Variants in GRIK2 observed in about 807,000 individuals in gnomAD.
GRIK2 encodes glutamate receptor ionotropic, kainate 2.
In GRIK2, 32 loss-of-function variants were observed where a neutral mutation model predicts 100.3. The ratio of observed to expected loss-of-function variants is 0.32; its 90% confidence interval spans 0.24 to 0.43. GRIK2 has a LOEUF of 0.43. Ranked by LOEUF, GRIK2 falls within the 20% of genes least tolerant of loss-of-function variation. The pLI, the probability that GRIK2 is intolerant of heterozygous loss-of-function variation, is 1.00. For synonymous variants in GRIK2, 417 were observed against 389.4 expected (o/e 1.07, Z -0.83); for missense variants, 843 against 1,114.9 (o/e 0.76, Z 3.47).
intron 5 of GRIK2, among the ~76,000 whole-genome samples, chr6:101,682,350 TC>T: frequency 6.6e-6 from 1 of 152,236 alleles, no homozygotes. Flanking sequence ...AGCTTTTCTA[TC>T]TAGAGAATTG....
chr6:101,839,712 A>C (rs9322612), intron 10 of GRIK2, among the ~76,000 whole-genome samples: 1 of 151,816 alleles, frequency 6.6e-6, no homozygotes, highest in African/African-American at 2.4e-5. Context: ...TAAAGGGATG[A>C]GGGAAAGAAA....
At chr6:101,427,742 TGGTCATTCAGTCAGCCAGTGG>T (rs1484760691) in intron 2 of GRIK2, among the ~76,000 whole-genome samples, 1 of 152,170 alleles carries the variant, frequency 6.6e-6, no homozygotes, top group Non-Finnish European at 1.5e-5. Context: ...TTAGGTGAAT[TGGTCATTCAGTCAGCCAGTGG>T]GGTCATTCTG....
intron 14 of GRIK2, among the ~76,000 whole-genome samples, chr6:102,006,337 G>GTAT (rs1181645050): frequency 1.4e-5 from 2 of 146,864 alleles, no homozygotes; most frequent in Non-Finnish European, 3.0e-5. Flanking sequence ...AGTAGAAAGG[G>GTAT]TATTTGATTT....
At position 101,831,213 on chromosome 6, in the gene GRIK2, C is replaced by A. The variant is rs554456004; in HGVS notation, c.1317+12730C>A. Among the ~76,000 whole-genome samples the A allele has an allele frequency of 2.2e-3, 330 of 152,116 alleles. 2 individuals are homozygous for A. Among genetic ancestry groups the A allele is most frequent in the African/African-American group, 7.7e-3 (320 of 41,520 alleles). Reference sequence around the variant, plus strand: ...TTTGAAAGTGATTTTTTAATAGTATCGAGATATCAAAATAGGATTTTTTTT... The same window carrying A: ...TTTGAAAGTGATTTTTTAATAGTATAGAGATATCAAAATAGGATTTTTTTT... On this transcript the variant is annotated intron_variant, in intron 10 of 16. Coordinates refer to ENST00000369134, the MANE Select transcript of GRIK2 (RefSeq NM_021956.5).
intron 14 of GRIK2, among the ~76,000 whole-genome samples, chr6:101,945,013 G>A (rs968871634): frequency 6.6e-6 from 1 of 152,030 alleles, no homozygotes; most frequent in Non-Finnish European, 1.5e-5. Context: ...ACAAGAATAT[G>A]TGCTTTGAAG....
At chr6:101,873,330 G>T (rs1198496434) in intron 11 of GRIK2, among the ~76,000 whole-genome samples, 2 of 145,014 alleles carry the variant, frequency 1.4e-5, no homozygotes, top group African/African-American at 5.1e-5. Flanking sequence ...CCACCTATGA[G>T]TGAGAACATG....
chr6:101,762,288 T>C (rs912588112), intron 7 of GRIK2, among the ~76,000 whole-genome samples: 1 of 151,810 alleles, frequency 6.6e-6, no homozygotes, highest in South Asian at 2.1e-4. Context: ...GATCCTCCCA[T>C]CTCAGCCTCC....
At chr6:101,851,586 A>G (rs1784129587) in intron 10 of GRIK2, among the ~76,000 whole-genome samples, 1 of 152,026 alleles carries the variant, frequency 6.6e-6, no homozygotes, top group Admixed American at 6.6e-5. Flanking sequence ...ATTTTTATAA[A>G]TTCTTAAAAT....
chr6:101,662,868 T>A (rs1162372510), intron 4 of GRIK2, among the ~76,000 whole-genome samples: 1 of 152,188 alleles, frequency 6.6e-6, no homozygotes, highest in Admixed American at 6.5e-5. Flanking sequence ...ATTTCACTTC[T>A]GTATTCTCAA....
chr6:101,703,475 A>G (rs1273039555), intron 7 of GRIK2, among the ~76,000 whole-genome samples: 1 of 151,880 alleles, frequency 6.6e-6, no homozygotes, highest in African/African-American at 2.4e-5. Flanking sequence ...TTTGACACGA[A>G]AGCATTGTTA....
chr6:101,491,786 G>A (rs1773126049), intron 2 of GRIK2, among the ~76,000 whole-genome samples: 1 of 151,768 alleles, frequency 6.6e-6, no homozygotes, highest in Non-Finnish European at 1.5e-5. Flanking sequence ...ATTATCTCAT[G>A]CTAATCTACA....
chr6:101,662,502 C>T (rs1296586888), intron 4 of GRIK2, among the ~76,000 whole-genome samples: 3 of 152,092 alleles, frequency 2.0e-5, no homozygotes, highest in African/African-American at 7.2e-5. Context: ...TTGGAAAGTG[C>T]AGTCTAACAT....
chr6:101,762,803 G>T (rs565562944), intron 7 of GRIK2, among the ~76,000 whole-genome samples: 1 of 152,306 alleles, frequency 6.6e-6, no homozygotes, highest in Non-Finnish European at 1.5e-5. Flanking sequence ...TGTCAGGCAG[G>T]TCAGTTTCAG....
chr6:101,587,406 GTCCATCCATCCATTCA>G (rs1778431117), intron 2 of GRIK2, among the ~76,000 whole-genome samples: 2 of 151,816 alleles, frequency 1.3e-5, no homozygotes, highest in Admixed American at 6.6e-5. Flanking sequence ...CTGTCCCTCC[GTCCATCCATCCATTCA>G]TCCATCCATC....
Position 102,055,657 on chromosome 6 carries a change from A to T in GRIK2, c.2562+77A>T, listed in dbSNP as rs1011862570. 4.9e-6 allele frequency: 5 copies of T among 1,021,274 alleles called. No individual in the cohort carries two copies. The African/African-American group carries it at 8.0e-5, about 16-fold the overall frequency. The allele number at this position is 1,021,274 out of a possible 1,614,324, so 63.3% of individuals were successfully genotyped here. A position where few individuals can be genotyped will look rare whatever the true frequency, so the allele number is the denominator to read the frequency against. ...TAAAACACAAACCAAAAGAGTTTTT[A>T]TGTTACCAACTAATGATAATGCATA... On this transcript the variant is annotated intron_variant, in intron 16 of 16. Coordinates refer to ENST00000369134, the MANE Select transcript of GRIK2 (RefSeq NM_021956.5).
intron 2 of GRIK2, among the ~76,000 whole-genome samples, chr6:101,547,681 G>T (rs796860881): frequency 2.4e-4 from 36 of 152,158 alleles, no homozygotes; most frequent in African/African-American, 8.2e-4. Flanking sequence ...AGTATTCCAT[G>T]GTGTATATGT....
At chr6:101,899,586 G>C (rs1042902882) in intron 12 of GRIK2, among the ~76,000 whole-genome samples, 3 of 151,994 alleles carry the variant, frequency 2.0e-5, no homozygotes, top group African/African-American at 7.2e-5. Context: ...TTCTTTATAA[G>C]AGATGTTAAA....
At chr6:101,552,520 G>C (rs1776557941) in intron 2 of GRIK2, among the ~76,000 whole-genome samples, 1 of 152,162 alleles carries the variant, frequency 6.6e-6, no homozygotes, top group Non-Finnish European at 1.5e-5. Flanking sequence ...AAAAGGGTTA[G>C]AGATGATAAT....
intron 14 of GRIK2, among the ~76,000 whole-genome samples, chr6:101,997,389 T>C (rs1453149167): frequency 6.6e-6 from 1 of 152,132 alleles, no homozygotes; most frequent in African/African-American, 2.4e-5. Flanking sequence ...CCTCAAAGAA[T>C]ATATGCTGGT....
Sources: allele counts gnomAD v4.1 joint callset (sites outside exome capture counted in the v4.1 genomes callset), GRCh38; gene constraint gnomAD v4.1.1; transcripts MANE v1.5; gene names NCBI Gene and HGNC (gene_info 2026-07-23, HGNC 2026-07-21).